The following FHOD3 variants were observed in gnomAD, a reference collection of about 807,000 sequenced individuals.
FHOD3 encodes the protein FH1/FH2 domain-containing protein 3.
In FHOD3, 90 loss-of-function variants were observed where a neutral mutation model predicts 173.0. The ratio of observed to expected loss-of-function variants is 0.52; its 90% CI spans 0.44 to 0.62. The LOEUF (loss-of-function observed/expected upper bound fraction) is 0.62, where lower values mean the gene tolerates loss of function less well. FHOD3 is among the 20% of genes least tolerant of loss of function. The pLI, the probability that FHOD3 is intolerant of heterozygous loss-of-function variation, is 0.00. For synonymous variants in FHOD3, 828 were observed against 823.0 expected, an observed-to-expected ratio of 1.01 and a Z score of -0.10; for missense variants, 1,945 against 2,034.7, an observed-to-expected ratio of 0.96 and a Z score of 0.85.
chr18:36,772,227 C>T (rs1024770042), intron 28 of FHOD3, among the ~76,000 whole-genome samples: 18 of 152,076 alleles, frequency 1.2e-4, no homozygotes, highest in Non-Finnish European at 2.4e-4. Flanking sequence ...CTGTAATGGG[C>T]TTAATTTATT....
intron 15 of FHOD3, among the ~76,000 whole-genome samples, chr18:36,686,017 G>A (rs146752272): frequency 6.6e-6 from 1 of 152,150 alleles, no homozygotes; most frequent in African/African-American, 2.4e-5. Flanking sequence ...AAGGAATCCT[G>A]GGTTGTCACT....
At chr18:36,593,517 A>G (rs1475834365) in intron 6 of FHOD3, among the ~76,000 whole-genome samples, 2 of 152,174 alleles carry the variant, frequency 1.3e-5, no homozygotes, top group East Asian at 3.9e-4. Flanking sequence ...TGGACTGCAC[A>G]ACACAGTCCC....
intron 2 of FHOD3, among the ~76,000 whole-genome samples, chr18:36,368,224 T>C (rs1052025747): frequency 6.6e-6 from 1 of 152,200 alleles, no homozygotes; most frequent in African/African-American, 2.4e-5. Flanking sequence ...GCTAGCAGGC[T>C]GGAAATGCAG....
At chr18:36,380,573 T>C (rs147192458) in intron 3 of FHOD3, among the ~76,000 whole-genome samples, 6,656 of 74,962 alleles carry the variant, frequency 0.089, 343 homozygotes, top group East Asian at 0.29. Flanking sequence ...TTTTCTTTTC[T>C]TTTCTTTTCC....
chr18:36,431,541 G>T (rs1026070806), intron 3 of FHOD3, among the ~76,000 whole-genome samples: 10 of 152,220 alleles, frequency 6.6e-5, no homozygotes, highest in African/African-American at 2.4e-4. Flanking sequence ...GATTTGACTT[G>T]GGTATGAGCA....
intron 18 of FHOD3, 152 bp from the exon 19 acceptor site, chr18:36,717,680 A>G: frequency 7.7e-7 from 1 of 1,301,798 alleles, no homozygotes; most frequent in Non-Finnish European, 1.0e-6. Context: ...CTTCTTGCCC[A>G]AGAGCGCCTT....
At chr18:36,546,152 T>A (rs1047801658) in intron 5 of FHOD3, among the ~76,000 whole-genome samples, 1 of 152,240 alleles carries the variant, frequency 6.6e-6, no homozygotes, top group Non-Finnish European at 1.5e-5. Context: ...TCAGCCTGCA[T>A]TGGCTCTGGC....
At chr18:36,329,230 A>T (rs2044846777) in intron 1 of FHOD3, among the ~76,000 whole-genome samples, 2 of 152,158 alleles carry the variant, frequency 1.3e-5, no homozygotes, top group African/African-American at 4.8e-5. Context: ...AACCTCTGGT[A>T]TATCTGCACC....
At chr18:36,645,949 GA>G (rs1414617718) in intron 10 of FHOD3, among the ~76,000 whole-genome samples, 1 of 152,058 alleles carries the variant, frequency 6.6e-6, no homozygotes, top group Non-Finnish European at 1.5e-5. Context: ...ATTTTTTAAT[GA>G]AGGCTATCTA....
At position 36,718,384 on chromosome 18, in the gene FHOD3, T is replaced by G. The variant is rs766322180; in HGVS notation, c.3086T>G (p.Phe1029Cys). ...CCACCTCCCCCACCCCCACCCACCTTTCTGGGTTTGCCGCCCCCACCCCCT... is the reference window on the plus strand; with the variant it reads ...CCACCTCCCCCACCCCCACCCACCTGTCTGGGTTTGCCGCCCCCACCCCCT... ...PGPPPPPPPT[F>C]LGLPPPPPPP... is the part of the protein sequence containing the mutation. Residue 1029 changes from phenylalanine (F) to cysteine (C), a missense_variant, in exon 19 of 29, where the codon TTT becomes TGT. Phe to Cys is a radical substitution (Grantham distance 205). Coordinates refer to ENST00000590592, the MANE Select transcript of FHOD3 (RefSeq NM_001281740.3). 1.3e-6 allele frequency: 1 copy of G among 799,806 alleles called. No homozygotes were observed. 49.5% of individuals were successfully genotyped at this position (799,806 alleles called of 1,614,324 possible). A position where few individuals can be genotyped will look rare whatever the true frequency, so the allele number is the denominator to read the frequency against.
intron 11 of FHOD3, among the ~76,000 whole-genome samples, chr18:36,652,108 C>T (rs1338551634): frequency 6.6e-6 from 1 of 152,228 alleles, no homozygotes; most frequent in Non-Finnish European, 1.5e-5. Flanking sequence ...AAGTGTATGG[C>T]TTTGTGGGAT....
At chr18:36,439,521 ATGTGTGTGTGTGTGTGTGTGTGTG>A (rs33931333) in intron 3 of FHOD3, among the ~76,000 whole-genome samples, 1 of 144,732 alleles carries the variant, frequency 6.9e-6, no homozygotes, top group African/African-American at 2.6e-5. Context: ...AACCAATAGA[ATGTGTGTGTGTGTGTGTGTGTGTG>A]TGTGTGTGTG....
intron 1 of FHOD3, among the ~76,000 whole-genome samples, chr18:36,331,645 G>T (rs2045016909): frequency 6.6e-6 from 1 of 152,200 alleles, no homozygotes; most frequent in African/African-American, 2.4e-5. Flanking sequence ...TTTGGAAGGG[G>T]TTCAGTTCTT....
At chr18:36,340,741 A>G (rs2045570202) in intron 1 of FHOD3, among the ~76,000 whole-genome samples, 1 of 150,788 alleles carries the variant, frequency 6.6e-6, no homozygotes, top group Admixed American at 6.6e-5. Flanking sequence ...GGTTCATGCC[A>G]TTCTCCTGCC....
chr18:36,662,214 A>G (rs2036858579), intron 14 of FHOD3, among the ~76,000 whole-genome samples: 1 of 152,184 alleles, frequency 6.6e-6, no homozygotes, highest in Admixed American at 6.5e-5. Context: ...TTTCTCATCA[A>G]TGGCGGCTGG....
intron 1 of FHOD3, among the ~76,000 whole-genome samples, chr18:36,342,694 A>C (rs954440429): frequency 4.6e-5 from 7 of 152,240 alleles, no homozygotes; most frequent in African/African-American, 1.7e-4. Context: ...TCAAAGTTAA[A>C]AACTTCTGTG....
intron 3 of FHOD3, among the ~76,000 whole-genome samples, chr18:36,489,044 G>A (rs1421798981): frequency 1.3e-5 from 2 of 152,148 alleles, no homozygotes; most frequent in Non-Finnish European, 1.5e-5. Context: ...GCCTCCATAA[G>A]AGGGCTAAGT....
intron 1 of FHOD3, among the ~76,000 whole-genome samples, chr18:36,313,666 T>A (rs1476948545): frequency 1.3e-5 from 2 of 152,216 alleles, no homozygotes; most frequent in African/African-American, 2.4e-5. Context: ...TGTTCATCCA[T>A]TCACTCACTG....
At chr18:36,389,605 ATTG>A (rs112700974) in intron 3 of FHOD3, among the ~76,000 whole-genome samples, 2 of 151,846 alleles carry the variant, frequency 1.3e-5, no homozygotes, top group South Asian at 2.1e-4. Context: ...CATTGTTGTT[ATTG>A]TTGTTGTTTT....
Sources: allele counts gnomAD v4.1 joint callset (sites outside exome capture counted in the v4.1 genomes callset), GRCh38; gene constraint gnomAD v4.1.1; transcripts MANE v1.5; gene names NCBI Gene and HGNC (gene_info 2026-07-23, HGNC 2026-07-21).